PPARGC1A: variants seen among roughly 807,000 people sequenced by gnomAD.
PPARGC1A encodes PPARG coactivator 1 alpha.
A neutral mutation model predicts 88.7 loss-of-function variants in PPARGC1A; 25 were observed. That is an observed-to-expected ratio of 0.28 (90% CI 0.21 to 0.39). The LOEUF (loss-of-function observed/expected upper bound fraction) is 0.39, where lower values mean the gene tolerates loss of function less well. PPARGC1A is among the 10% of genes least tolerant of loss of function. The pLI is 1.00. For synonymous variants in PPARGC1A, 363 were observed against 355.6 expected, an observed-to-expected ratio of 1.02 and a Z score of -0.24; for missense variants, 880 against 968.7, an observed-to-expected ratio of 0.91 and a Z score of 1.22.
chr4:24,270,331 C>G, the PPARGC1A span, among the ~76,000 whole-genome samples: 133,973 of 147,382 alleles, frequency 0.91, 60,864 homozygotes, highest in South Asian at 0.96. Flanking sequence ...CTCTCTCTCT[C>G]TCTGTGTGTG....
At chr4:23,985,609 C>A in the PPARGC1A span, among the ~76,000 whole-genome samples, 135 of 45,828 alleles carry the variant, frequency 2.9e-3, 1 homozygote, top group East Asian at 0.049. Flanking sequence ...TGATTTTGAC[C>A]AATTACTTAT....
chr4:24,228,529 C>G, the PPARGC1A span, among the ~76,000 whole-genome samples: 1 of 152,184 alleles, frequency 6.6e-6, no homozygotes, highest in Non-Finnish European at 1.5e-5. Context: ...GGTTGAAAAA[C>G]TAACTACTGG....
the PPARGC1A span, among the ~76,000 whole-genome samples, chr4:24,091,008 C>T: frequency 2.1e-4 from 32 of 152,244 alleles, 1 homozygote; most frequent in Middle Eastern, 3.4e-3. Context: ...AAGGAAGGCA[C>T]GCAAGCTGCA....
chr4:24,137,783 A>C, the PPARGC1A span, among the ~76,000 whole-genome samples: 1 of 152,194 alleles, frequency 6.6e-6, no homozygotes, highest in Non-Finnish European at 1.5e-5. Context: ...ACAAGGGGTC[A>C]GTGGCAGATC....
chr4:24,296,231 A>G, the PPARGC1A span, among the ~76,000 whole-genome samples: 1 of 150,760 alleles, frequency 6.6e-6, no homozygotes, highest in African/African-American at 2.4e-5. Context: ...ATATATATAT[A>G]GGGTATCCAG....
At chr4:24,191,173 T>C in the PPARGC1A span, among the ~76,000 whole-genome samples, 1 of 152,200 alleles carries the variant, frequency 6.6e-6, no homozygotes, top group Admixed American at 6.5e-5. Flanking sequence ...AATCGAGCTG[T>C]ATGTATTCTC....
At chr4:24,213,322 C>A in the PPARGC1A span, among the ~76,000 whole-genome samples, 115,064 of 151,728 alleles carry the variant, frequency 0.76, 47,024 homozygotes, top group Middle Eastern at 0.92. Context: ...GCCCACCACC[C>A]GGCCCGGCTA....
chr4:23,942,216 C>T, the PPARGC1A span, among the ~76,000 whole-genome samples: 2 of 152,148 alleles, frequency 1.3e-5, no homozygotes, highest in African/African-American at 4.8e-5. Context: ...ACACACAGGC[C>T]TCTAAGCAGG....
the PPARGC1A span, among the ~76,000 whole-genome samples, chr4:24,247,671 T>TTG: frequency 6.6e-6 from 1 of 152,330 alleles, no homozygotes; most frequent in Admixed American, 6.5e-5. Flanking sequence ...GTTGCCAGGA[T>TTG]TGGCTGGGTA....
chr4:23,842,746 G>A (rs1727285887), intron 2 of PPARGC1A, among the ~76,000 whole-genome samples: 1 of 152,060 alleles, frequency 6.6e-6, no homozygotes, highest in Admixed American at 6.6e-5. Context: ...CAACTGCCCT[G>A]GGAGGTAGAG....
chr4:24,124,961 G>A, the PPARGC1A span, among the ~76,000 whole-genome samples: 4 of 152,088 alleles, frequency 2.6e-5, no homozygotes, highest in Admixed American at 2.0e-4. Flanking sequence ...ATTTCTCAGA[G>A]TAAATACTTC....
the PPARGC1A span, among the ~76,000 whole-genome samples, chr4:24,254,881 A>G: frequency 6.6e-6 from 1 of 152,220 alleles, no homozygotes; most frequent in South Asian, 2.1e-4. Flanking sequence ...TCTTTCCCTC[A>G]GCTGATTACT....
At chr4:23,920,984 A>G in the PPARGC1A span, among the ~76,000 whole-genome samples, 1 of 152,180 alleles carries the variant, frequency 6.6e-6, no homozygotes, top group Non-Finnish European at 1.5e-5. Flanking sequence ...AGGAGGCTAG[A>G]GGACACAACC....
At chr4:24,444,363 C>T in the PPARGC1A span, among the ~76,000 whole-genome samples, 1 of 151,970 alleles carries the variant, frequency 6.6e-6, no homozygotes, top group Non-Finnish European at 1.5e-5. Context: ...AAGGAATTGC[C>T]ACAGTCAGAC....
the PPARGC1A span, among the ~76,000 whole-genome samples, chr4:24,004,241 T>A: frequency 6.6e-6 from 1 of 152,180 alleles, no homozygotes; most frequent in Admixed American, 6.5e-5. Flanking sequence ...TTCTGCCACC[T>A]AAGCTTTCCC....
chr4:24,067,951 G>A, the PPARGC1A span, among the ~76,000 whole-genome samples: 59,375 of 152,016 alleles, frequency 0.39, 11,653 homozygotes, highest in Middle Eastern at 0.45. Flanking sequence ...CCCCCAGAGG[G>A]GCCAGGGCAA....
At chr4:24,123,379 C>T in the PPARGC1A span, among the ~76,000 whole-genome samples, 1 of 152,168 alleles carries the variant, frequency 6.6e-6, no homozygotes, top group Admixed American at 6.5e-5. Context: ...TGCTCCCTCT[C>T]CCTTGTTTTA....
chr4:23,864,853 G>A lies in PPARGC1A; in HGVS notation c.234+19899C>T, dbSNP rs574020843. Among the ~76,000 whole-genome samples the A allele has an allele frequency of 5.9e-5, 9 of 152,278 alleles. No homozygotes were observed. In the South Asian group the frequency reaches 1.5e-3, roughly 25 times the overall value. On this transcript the variant is annotated intron_variant, in intron 2 of 12. Transcript: ENST00000264867. ...ACCAAAGACCTCATTGACAGCAGACGGCAGTTGCAATTGCAACCAGCAGTT... is the reference window on the plus strand; with the variant it reads ...ACCAAAGACCTCATTGACAGCAGACAGCAGTTGCAATTGCAACCAGCAGTT...
chr4:24,342,975 T>A, the PPARGC1A span, among the ~76,000 whole-genome samples: 1 of 152,246 alleles, frequency 6.6e-6, no homozygotes, highest in Non-Finnish European at 1.5e-5. Context: ...TCTGACCCAC[T>A]GTGCCATCCT....
Sources: allele counts gnomAD v4.1 joint callset (sites outside exome capture counted in the v4.1 genomes callset), GRCh38; gene constraint gnomAD v4.1.1; transcripts MANE v1.5; gene names NCBI Gene and HGNC (gene_info 2026-07-23, HGNC 2026-07-21).